Variants in NOS1AP observed in about 807,000 individuals in gnomAD.
NOS1AP encodes the protein nitric oxide synthase 1 adaptor protein, also known as carboxyl-terminal PDZ ligand of neuronal nitric oxide synthase protein.
A neutral mutation model predicts 56.2 loss-of-function variants in NOS1AP; 21 were observed. That is an observed-to-expected ratio of 0.37 (90% confidence interval 0.26 to 0.54). The LOEUF (loss-of-function observed/expected upper bound fraction) is 0.54. Among genes scored for constraint, NOS1AP ranks in the 20% least tolerant of loss-of-function variants. The pLI, the probability that NOS1AP is intolerant of heterozygous loss-of-function variation, is 0.84. For synonymous variants in NOS1AP, 270 were observed against 274.6 expected, an observed-to-expected ratio of 0.98 and a Z score of 0.17; for missense variants, 522 against 657.8, an observed-to-expected ratio of 0.79 and a Z score of 2.26.
intron 2 of NOS1AP, among the ~76,000 whole-genome samples, chr1:162,256,056 A>G (rs976448155): frequency 6.6e-6 from 1 of 152,122 alleles, no homozygotes; most frequent in South Asian, 2.1e-4. Flanking sequence ...AGGCAGGAGA[A>G]TTGCTTGAAT....
At chr1:162,210,909 A>G (rs1211824507) in intron 2 of NOS1AP, among the ~76,000 whole-genome samples, 1 of 152,184 alleles carries the variant, frequency 6.6e-6, no homozygotes, top group Non-Finnish European at 1.5e-5. Context: ...CCCTGAGCTC[A>G]CGGAGTCCGC....
At chr1:162,173,583 CT>C (rs1291860529) in intron 2 of NOS1AP, among the ~76,000 whole-genome samples, 1 of 152,152 alleles carries the variant, frequency 6.6e-6, no homozygotes, top group African/African-American at 2.4e-5. Context: ...TCCAATTAAA[CT>C]AAAGAGCTTC....
chr1:162,268,658 G>T (rs561457889), intron 2 of NOS1AP, among the ~76,000 whole-genome samples: 3 of 152,278 alleles, frequency 2.0e-5, no homozygotes, highest in South Asian at 2.1e-4. Context: ...GATAGCAGGG[G>T]ATTAGAAAGA....
intron 2 of NOS1AP, among the ~76,000 whole-genome samples, chr1:162,159,197 T>G (rs1202743070): frequency 6.6e-6 from 1 of 152,198 alleles, no homozygotes; most frequent in East Asian, 1.9e-4. Flanking sequence ...TTTTTAGCTT[T>G]CCTGGGAAGG....
At chr1:162,311,617 A>G (rs1656032516) in intron 4 of NOS1AP, among the ~76,000 whole-genome samples, 1 of 150,334 alleles carries the variant, frequency 6.7e-6, no homozygotes, top group Non-Finnish European at 1.5e-5. Context: ...GTTTTAGGGT[A>G]CATGTGCACA....
At chr1:162,365,707 T>C (rs1658064432) in intron 9 of NOS1AP, 138 bp downstream of exon 9, 1 of 1,093,338 alleles carries the variant, frequency 9.1e-7, no homozygotes, top group East Asian at 2.6e-5. Context: ...GGCAGCTTTG[T>C]TTTCCCATTA....
At chr1:162,249,260 AC>A (rs1430793702) in intron 2 of NOS1AP, among the ~76,000 whole-genome samples, 1 of 152,086 alleles carries the variant, frequency 6.6e-6, no homozygotes, top group Admixed American at 6.6e-5. Context: ...AGCACCAGAT[AC>A]CCTGCAGATT....
intron 2 of NOS1AP, among the ~76,000 whole-genome samples, chr1:162,217,138 C>T (rs1251149317): frequency 5.3e-5 from 8 of 151,968 alleles, no homozygotes; most frequent in African/African-American, 1.9e-4. Flanking sequence ...TCCACTCTTT[C>T]ACATGGGGAA....
In NOS1AP at chr1:162,368,319, C is replaced by T. The variant is rs1361452438; in HGVS notation, c.*852C>T. ...GAATTGCCCCTCACCTCCCCTGTGT[C>T]CTGTCCAGCTGAAGCTTTTGCAGCA... On this transcript the variant is annotated 3_prime_UTR_variant, in exon 10 of 10. Transcript: ENST00000361897. The T allele has an allele frequency of 5.3e-5, 8 of 152,280 alleles. No homozygotes were observed. Among genetic ancestry groups the T allele is most frequent in the Admixed American group, 4.6e-4 (7 of 15,270 alleles). 9.4% of individuals were successfully genotyped at this position (152,280 alleles called of 1,614,324 possible).
intron 2 of NOS1AP, among the ~76,000 whole-genome samples, chr1:162,218,090 G>T (rs1260538928): frequency 6.6e-6 from 1 of 152,162 alleles, no homozygotes; most frequent in Non-Finnish European, 1.5e-5. Context: ...CAAACCTGGG[G>T]CCTTTCTCTT....
intron 2 of NOS1AP, among the ~76,000 whole-genome samples, chr1:162,183,319 G>T (rs146804775): frequency 1.3e-5 from 2 of 152,198 alleles, no homozygotes; most frequent in African/African-American, 4.8e-5. Context: ...CTGTCATGCC[G>T]TCTTTGTTGT....
At chr1:162,271,305 C>T (rs1654577815) in intron 2 of NOS1AP, among the ~76,000 whole-genome samples, 1 of 146,946 alleles carries the variant, frequency 6.8e-6, no homozygotes, top group Non-Finnish European at 1.5e-5. Flanking sequence ...CAGCATGATC[C>T]TTGGGATACT....
chr1:162,227,321 T>C (rs1008603754), intron 2 of NOS1AP, among the ~76,000 whole-genome samples: 1 of 152,216 alleles, frequency 6.6e-6, no homozygotes, highest in African/African-American at 2.4e-5. Context: ...TAAAGTACAG[T>C]AAGCACATTC....
chr1:162,259,355 C>G (rs1490564992), intron 2 of NOS1AP, among the ~76,000 whole-genome samples: 1 of 152,152 alleles, frequency 6.6e-6, no homozygotes, highest in Non-Finnish European at 1.5e-5. Context: ...CTTAACAATA[C>G]AAATATAGTT....
intron 2 of NOS1AP, among the ~76,000 whole-genome samples, chr1:162,206,857 C>T (rs947431708): frequency 2.0e-5 from 3 of 152,086 alleles, no homozygotes; most frequent in Non-Finnish European, 4.4e-5. Context: ...ACTTGTTTCT[C>T]AAAACGTGGT....
At chr1:162,362,905 T>G in intron 8 of NOS1AP, 1 of 960,758 alleles carries the variant, frequency 1.0e-6, no homozygotes, top group Non-Finnish European at 1.2e-6. Context: ...ACAATATTAT[T>G]GACATTTCTT....
chr1:162,184,743 A>G (rs1651370942), intron 2 of NOS1AP, among the ~76,000 whole-genome samples: 1 of 152,240 alleles, frequency 6.6e-6, no homozygotes, highest in South Asian at 2.1e-4. Flanking sequence ...CCTGTTTTCC[A>G]GTAGTTCCCC....
chr1:162,195,231 A>G (rs1340559784), intron 2 of NOS1AP, among the ~76,000 whole-genome samples: 4 of 152,214 alleles, frequency 2.6e-5, no homozygotes, highest in African/African-American at 9.6e-5. Context: ...GTGAATAATC[A>G]CATTGATAAT....
At chr1:162,233,540 G>A (rs554612967) in intron 2 of NOS1AP, among the ~76,000 whole-genome samples, 9 of 152,058 alleles carry the variant, frequency 5.9e-5, no homozygotes, top group African/African-American at 1.9e-4. Flanking sequence ...TTGTGTTACC[G>A]TCACCACAAT....
Sources: allele counts gnomAD v4.1 joint callset (sites outside exome capture counted in the v4.1 genomes callset), GRCh38; gene constraint gnomAD v4.1.1; transcripts MANE v1.5; gene names NCBI Gene and HGNC (gene_info 2026-07-23, HGNC 2026-07-21).